Variants in TMEM132B observed in about 807,000 individuals in gnomAD.
TMEM132B encodes the protein transmembrane protein 132B.
TMEM132B carries 18 observed loss-of-function variants against 90.8 expected under a neutral mutation model. That is an observed-to-expected ratio of 0.20 (90% confidence interval 0.14 to 0.29). TMEM132B has a LOEUF of 0.29. TMEM132B is among the 10% of genes least tolerant of loss of function. The pLI is 1.00. For missense variants in TMEM132B, 1,096 were observed against 1,326.8 expected (o/e 0.83, Z 2.70); for synonymous variants, 504 against 523.3 (o/e 0.96, Z 0.50).
At chr12:125,436,298 G>A (rs577903453) in intron 3 of TMEM132B, among the ~76,000 whole-genome samples, 1 of 152,174 alleles carries the variant, frequency 6.6e-6, no homozygotes, top group East Asian at 1.9e-4. Flanking sequence ...TACAAGCCCA[G>A]CACACCAGGT....
intron 4 of TMEM132B, among the ~76,000 whole-genome samples, chr12:125,528,308 G>A (rs1005898317): frequency 6.6e-5 from 10 of 152,082 alleles, no homozygotes; most frequent in African/African-American, 2.2e-4. Flanking sequence ...AAACTAAAAA[G>A]CCTGGCTCTG....
chr12:125,274,840 T>A (rs11058116), intron 1 of TMEM132B, among the ~76,000 whole-genome samples: 15,861 of 152,128 alleles, frequency 0.1, 895 homozygotes, highest in African/African-American at 0.12. Flanking sequence ...GGAAGATTAC[T>A]TGAGCCCAAG....
intron 1 of TMEM132B, among the ~76,000 whole-genome samples, chr12:125,290,741 C>T (rs1272966761): frequency 6.6e-6 from 1 of 152,070 alleles, no homozygotes; most frequent in Non-Finnish European, 1.5e-5. Context: ...TTTCTTGCCA[C>T]GGTAAACAAT....
intron 2 of TMEM132B, among the ~76,000 whole-genome samples, chr12:125,411,507 G>A (rs555968258): frequency 2.3e-4 from 35 of 151,938 alleles, no homozygotes; most frequent in Non-Finnish European, 4.6e-4. Context: ...AGAACTTAAA[G>A]TATAATAATA....
chr12:125,528,965 CT>C (rs1267562027), intron 4 of TMEM132B, among the ~76,000 whole-genome samples: 1 of 141,862 alleles, frequency 7.0e-6, no homozygotes, highest in African/African-American at 2.6e-5. Flanking sequence ...TTCTTCCCCC[CT>C]CTTTCTTTCT....
At chr12:125,392,563 T>C (rs1355671813) in intron 2 of TMEM132B, among the ~76,000 whole-genome samples, 1 of 152,222 alleles carries the variant, frequency 6.6e-6, no homozygotes, top group African/African-American at 2.4e-5. Flanking sequence ...TCTTAGCCCC[T>C]TCATGATGCT....
chr12:125,530,782 C>T (rs1883623892), intron 4 of TMEM132B, among the ~76,000 whole-genome samples: 1 of 152,206 alleles, frequency 6.6e-6, no homozygotes, highest in South Asian at 2.1e-4. Context: ...ATAAGGACAC[C>T]AGTCCTTGCA....
At chr12:125,551,680 T>C (rs1884233914) in intron 4 of TMEM132B, among the ~76,000 whole-genome samples, 1 of 152,140 alleles carries the variant, frequency 6.6e-6, no homozygotes, top group Admixed American at 6.6e-5. Context: ...GCTACTTTTG[T>C]ATAATAAAAT....
chr12:125,303,615 G>T (rs926129860), intron 1 of TMEM132B, among the ~76,000 whole-genome samples: 2 of 152,082 alleles, frequency 1.3e-5, no homozygotes, highest in Non-Finnish European at 2.9e-5. Flanking sequence ...AATCTGTAAG[G>T]GTTCCAATTT....
chr12:125,511,303 T>C (rs1882970965), intron 3 of TMEM132B, among the ~76,000 whole-genome samples: 1 of 152,214 alleles, frequency 6.6e-6, no homozygotes, highest in South Asian at 2.1e-4. Flanking sequence ...CATTGCTTGA[T>C]AGAAAATTGG....
intron 1 of TMEM132B, among the ~76,000 whole-genome samples, chr12:125,263,299 C>T (rs10846853): frequency 0.21 from 31,247 of 152,098 alleles, 3,493 homozygotes; most frequent in East Asian, 0.43. Flanking sequence ...TGGAGAGGTA[C>T]GTGCCTCAAA....
intron 2 of TMEM132B, among the ~76,000 whole-genome samples, chr12:125,385,368 T>C (rs1878800567): frequency 6.6e-6 from 1 of 152,240 alleles, no homozygotes. Flanking sequence ...TTTGCTCCTC[T>C]GATTTTGGGA....
chr12:125,652,511 T>C lies in TMEM132B; in HGVS notation c.1985T>C (p.Ile662Thr). Residue 662 changes from isoleucine to threonine, a missense_variant, in exon 8 of 9, where the codon ATC becomes ACC. Physicochemically the swap from Ile to Thr is moderately conservative, Grantham distance 89 (BLOSUM62 -1). Coordinates refer to ENST00000682704, the MANE Select transcript of TMEM132B (RefSeq NM_001366854.1). ...ATTGTCCTGGATGACCGAGTCACCATCGCGGAGCTGGGAGTGCAGCTCGTA... is the reference window on the plus strand; with the variant it reads ...ATTGTCCTGGATGACCGAGTCACCACCGCGGAGCTGGGAGTGCAGCTCGTA... ...TVIVLDDRVT[I>T]AELGVQLVAG... The C allele has an allele frequency of 6.2e-7, 1 of 1,613,730 alleles. No individual in the cohort carries two copies. The highest frequency in any genetic ancestry group is 8.5e-7 in the Non-Finnish European group (1 of 1,179,764).
intron 1 of TMEM132B, among the ~76,000 whole-genome samples, chr12:125,345,473 C>T (rs1877325802): frequency 6.6e-6 from 1 of 152,186 alleles, no homozygotes; most frequent in South Asian, 2.1e-4. Flanking sequence ...CAGTGACATC[C>T]ACTCACTCAG....
At position 125,528,002 on chromosome 12, in the gene TMEM132B, T is replaced by G. The variant is rs376147093; in HGVS notation, c.1293+8377T>G. Among the ~76,000 whole-genome samples the G allele has an allele frequency of 1.2e-3, 178 of 152,348 alleles. 1 individual carries two copies. The highest frequency in any genetic ancestry group is 4.2e-3 in the African/African-American group (173 of 41,570). On this transcript the variant is annotated intron_variant, in intron 4 of 8. Transcript: ENST00000682704. Reference sequence around the variant, plus strand: ...ATGGTCAAAAGCTTCAAAAACCGCTTCTTGAAAAGGGTGGTCTAAGGAGAG... The same window carrying G: ...ATGGTCAAAAGCTTCAAAAACCGCTGCTTGAAAAGGGTGGTCTAAGGAGAG...
chr12:125,333,025 T>C (rs573927169), intron 1 of TMEM132B, among the ~76,000 whole-genome samples: 65 of 152,346 alleles, frequency 4.3e-4, no homozygotes, highest in African/African-American at 1.4e-3. Context: ...CAGACACTGA[T>C]TTCTCACACA....
intron 1 of TMEM132B, among the ~76,000 whole-genome samples, chr12:125,233,033 T>C (rs1313817850): frequency 6.6e-6 from 1 of 152,186 alleles, no homozygotes; most frequent in African/African-American, 2.4e-5. Flanking sequence ...CATTGTGGCC[T>C]GTATATGTGT....
At chr12:125,517,929 G>T (rs1391384168) in intron 3 of TMEM132B, among the ~76,000 whole-genome samples, 1 of 152,116 alleles carries the variant, frequency 6.6e-6, no homozygotes, top group Admixed American at 6.5e-5. Context: ...TGTGACTGAA[G>T]AACTGAATTT....
chr12:125,217,680 C>T (rs1468487572), intron 1 of TMEM132B, among the ~76,000 whole-genome samples: 1 of 152,194 alleles, frequency 6.6e-6, no homozygotes. Context: ...TCTCAAACTC[C>T]TGGCCTCAAG....
Sources: allele counts gnomAD v4.1 joint callset (sites outside exome capture counted in the v4.1 genomes callset), GRCh38; gene constraint gnomAD v4.1.1; transcripts MANE v1.5; gene names NCBI Gene and HGNC (gene_info 2026-07-23, HGNC 2026-07-21).